The following WWOX variants were observed in gnomAD, a reference collection of about 807,000 sequenced individuals.
WWOX encodes the protein WW domain containing oxidoreductase.
Under a neutral mutation model 46.2 loss-of-function variants are expected in WWOX, and 69 were observed. The ratio of observed to expected loss-of-function variants is 1.49; its 90% confidence interval spans 1.23 to 1.82. The LOEUF (loss-of-function observed/expected upper bound fraction) is 1.82. Among genes scored for constraint, WWOX ranks in the 40% most tolerant of loss-of-function variants. The pLI, the probability that WWOX is intolerant of heterozygous loss-of-function variation, is 0.00. For missense variants in WWOX, 919 were observed against 542.6 expected (o/e 1.69, Z -6.89); for synonymous variants, 359 against 202.6 (o/e 1.77, Z -6.56).
At chr16:78,910,632 G>A (rs1400441716) in intron 8 of WWOX, among the ~76,000 whole-genome samples, 1 of 151,932 alleles carries the variant, frequency 6.6e-6, no homozygotes, top group Non-Finnish European at 1.5e-5. Context: ...CCACATGGCG[G>A]TGGAGGTGTC....
chr16:78,336,857 A>ATC (rs2151896812), intron 5 of WWOX, among the ~76,000 whole-genome samples: 3 of 152,018 alleles, frequency 2.0e-5, no homozygotes, highest in African/African-American at 7.2e-5. Context: ...CAGTGGTGCA[A>ATC]TCTCCTCCGC....
At chr16:78,549,916 G>A (rs573455378) in intron 8 of WWOX, among the ~76,000 whole-genome samples, 1 of 151,886 alleles carries the variant, frequency 6.6e-6, no homozygotes, top group African/African-American at 2.4e-5. Context: ...GGACAGAGTT[G>A]ACTGAGAAAA....
chr16:78,356,016 T>C (rs1234162562), intron 5 of WWOX, among the ~76,000 whole-genome samples: 1 of 150,166 alleles, frequency 6.7e-6, no homozygotes, highest in Non-Finnish European at 1.5e-5. Context: ...CTAAATGGTA[T>C]TTTCGTTTTT....
chr16:79,026,563 C>T lies in WWOX; in HGVS notation c.1057-185045C>T, dbSNP rs557972427. 3.3e-5 allele frequency among the ~76,000 whole-genome samples: 5 copies of T among 150,970 alleles called. No individual in the cohort carries two copies. The East Asian group carries it at 9.7e-4, about 29-fold the overall frequency. On this transcript the variant is annotated intron_variant, in intron 8 of 8. Coordinates refer to ENST00000566780, the MANE Select transcript of WWOX (RefSeq NM_016373.4). ...AGAAAGAATCATGCCTGCTTTTCTG[C>T]ACTCTCCTGCCTCTAGGGGAGAGAA... is the stretch of plus-strand genomic sequence containing the variant.
chr16:78,148,897 CAAAAAAAAA>C (rs34225165), intron 4 of WWOX, among the ~76,000 whole-genome samples: 1 of 53,228 alleles, frequency 1.9e-5, no homozygotes, highest in Non-Finnish European at 3.2e-5. Flanking sequence ...GACTCCGTCT[CAAAAAAAAA>C]AAAAAAAAAA....
intron 8 of WWOX, among the ~76,000 whole-genome samples, chr16:78,660,977 C>T (rs777647193): frequency 6.6e-6 from 1 of 152,046 alleles, no homozygotes; most frequent in Non-Finnish European, 1.5e-5. Context: ...TATATTCATT[C>T]CTATTTATAG....
chr16:78,947,117 G>C (rs993305079), intron 8 of WWOX, among the ~76,000 whole-genome samples: 1 of 150,562 alleles, frequency 6.6e-6, no homozygotes, highest in African/African-American at 2.4e-5. Context: ...AAAAAAAGAG[G>C]GGGAAAAAGG....
intron 5 of WWOX, among the ~76,000 whole-genome samples, chr16:78,173,239 G>T (rs1288570419): frequency 6.6e-6 from 1 of 152,152 alleles, no homozygotes; most frequent in Non-Finnish European, 1.5e-5. Context: ...TTAAATCCCA[G>T]TGTGAATACT....
intron 5 of WWOX, among the ~76,000 whole-genome samples, chr16:78,180,604 A>G (rs1432805026): frequency 2.0e-5 from 3 of 151,784 alleles, no homozygotes; most frequent in African/African-American, 7.3e-5. Context: ...TTGTGGGTAA[A>G]TCCAGTTGCA....
At chr16:78,422,595 C>G (rs997095443) in intron 6 of WWOX, among the ~76,000 whole-genome samples, 1 of 144,930 alleles carries the variant, frequency 6.9e-6, no homozygotes. Context: ...ATTATCCTGC[C>G]TTAGCCTCCC....
In WWOX at chr16:78,199,599, G is replaced by C. The variant is rs190264852; in HGVS notation, c.516+35310G>C. Among the ~76,000 whole-genome samples, 7 of 152,144 alleles carry C rather than the reference G, an allele frequency of 4.6e-5. No homozygotes were observed. In the South Asian group the frequency reaches 1.2e-3, roughly 27 times the overall value. On this transcript the variant is annotated intron_variant, in intron 5 of 8. Transcript: ENST00000566780. ...ATGCTAGCACTGTGGCATGCCATTCGCTCACTAGCAGCTTAAAGGGTACAG... is the reference window on the plus strand; with the variant it reads ...ATGCTAGCACTGTGGCATGCCATTCCCTCACTAGCAGCTTAAAGGGTACAG...
chr16:78,270,346 C>T (rs576461125), intron 5 of WWOX: 1 of 152,194 alleles, frequency 6.6e-6, no homozygotes, highest in East Asian at 1.9e-4. Flanking sequence ...GTGTCTCCCT[C>T]AGGAGCAGAG....
chr16:78,333,868 GA>G (rs1453210039), intron 5 of WWOX, among the ~76,000 whole-genome samples: 1 of 152,108 alleles, frequency 6.6e-6, no homozygotes, highest in South Asian at 2.1e-4. Context: ...CTGTTAAAAA[GA>G]AAAAACACAG....
intron 8 of WWOX, among the ~76,000 whole-genome samples, chr16:79,011,859 C>T (rs953779484): frequency 3.9e-5 from 6 of 152,114 alleles, no homozygotes; most frequent in Non-Finnish European, 7.3e-5. Context: ...TCACTATGTT[C>T]TTCAGGCTAG....
At chr16:78,370,053 G>C (rs112491623) in intron 5 of WWOX, among the ~76,000 whole-genome samples, 2,114 of 144,008 alleles carry the variant, frequency 0.015, 55 homozygotes, top group African/African-American at 0.053. Context: ...AATCGCTTCA[G>C]CTTGGGAGCT....
chr16:78,721,451 CAA>C (rs1345452386), intron 8 of WWOX, among the ~76,000 whole-genome samples: 1 of 152,146 alleles, frequency 6.6e-6, no homozygotes, highest in Non-Finnish European at 1.5e-5. Flanking sequence ...AGCTGTCAGA[CAA>C]AGTGTTCTCT....
chr16:79,072,016 C>T (rs754313698), intron 8 of WWOX, among the ~76,000 whole-genome samples: 12 of 152,270 alleles, frequency 7.9e-5, no homozygotes, highest in Middle Eastern at 3.4e-3. Flanking sequence ...GCCATGGTGG[C>T]TCATGCCTGT....
chr16:78,884,140 C>T (rs942580115), intron 8 of WWOX, among the ~76,000 whole-genome samples: 6 of 151,596 alleles, frequency 4.0e-5, no homozygotes, highest in Non-Finnish European at 5.9e-5. Flanking sequence ...GGCATAGTGG[C>T]GTATGCCTGT....
At chr16:78,571,852 C>A (rs141150170) in intron 8 of WWOX, among the ~76,000 whole-genome samples, 1 of 152,036 alleles carries the variant, frequency 6.6e-6, no homozygotes, top group Non-Finnish European at 1.5e-5. Context: ...GGCAACAGAG[C>A]TAGATTCCAT....
Sources: gnomAD v4.1 joint callset for allele counts (sites outside exome capture counted in the v4.1 genomes callset) on GRCh38, gnomAD v4.1.1 for gene constraint, MANE v1.5 for transcripts, NCBI Gene and HGNC (gene_info 2026-07-23, HGNC 2026-07-21) for gene names.